The following ADGRB3 variants were observed in gnomAD, a reference collection of about 807,000 sequenced individuals.
ADGRB3 encodes the protein brain-specific angiogenesis inhibitor 3.
In ADGRB3, 37 loss-of-function variants were observed where a neutral mutation model predicts 193.4. The observed-to-expected ratio is 0.19, with a 90% confidence interval of 0.15 to 0.25. The LOEUF is 0.25. ADGRB3 is among the 10% of genes least tolerant of loss of function. The probability of loss-of-function intolerance (pLI) is 1.00; values close to 1 mark genes in which losing one functional copy is unlikely to be tolerated. For missense variants in ADGRB3, 1,637 were observed against 1,852.9 expected (o/e 0.88, Z 2.14); for synonymous variants, 690 against 644.2 (o/e 1.07, Z -1.08).
intron 17 of ADGRB3, among the ~76,000 whole-genome samples, chr6:69,175,953 T>G (rs1775408152): frequency 6.6e-6 from 1 of 152,208 alleles, no homozygotes; most frequent in South Asian, 2.1e-4. Flanking sequence ...AAGTTATTGG[T>G]GTATAGAAAT....
chr6:68,692,917 G>GAT (rs1159037252), intron 3 of ADGRB3, among the ~76,000 whole-genome samples: 12 of 151,214 alleles, frequency 7.9e-5, no homozygotes, highest in Admixed American at 2.7e-4. Flanking sequence ...ATACATGATA[G>GAT]ATATAGATAC....
At chr6:68,702,208 A>AAGAGAGAG (rs140234329) in intron 3 of ADGRB3, among the ~76,000 whole-genome samples, 65 of 149,152 alleles carry the variant, frequency 4.4e-4, no homozygotes, top group South Asian at 1.3e-3. Context: ...AGGAGCGAGA[A>AAGAGAGAG]AGAGAGAGAG....
At chr6:68,783,089 A>G (rs1055835778) in intron 3 of ADGRB3, among the ~76,000 whole-genome samples, 2 of 151,718 alleles carry the variant, frequency 1.3e-5, no homozygotes, top group Non-Finnish European at 2.9e-5. Flanking sequence ...ATATGGCAGG[A>G]ACTGTAATAC....
chr6:68,897,422 GAGAA>G (rs1766249825), intron 3 of ADGRB3, among the ~76,000 whole-genome samples: 1 of 113,928 alleles, frequency 8.8e-6, no homozygotes, highest in Non-Finnish European at 1.8e-5. Context: ...GGGAGGGAGG[GAGAA>G]AGGAAGGAAG....
intron 12 of ADGRB3, 122 bp downstream of exon 12, chr6:69,014,228 C>A: frequency 1.6e-6 from 1 of 623,230 alleles, no homozygotes; most frequent in Non-Finnish European, 2.7e-6. Context: ...TAGGTTATAT[C>A]CTAGTAATTT....
chr6:69,041,345 C>CAT (rs35882502), intron 13 of ADGRB3, among the ~76,000 whole-genome samples: 65,880 of 151,642 alleles, frequency 0.43, 15,048 homozygotes, highest in African/African-American at 0.5. Context: ...TTAAACTGAG[C>CAT]ATATATATAT....
intron 17 of ADGRB3, among the ~76,000 whole-genome samples, chr6:69,179,724 G>A (rs1775529888): frequency 6.6e-6 from 1 of 152,128 alleles, no homozygotes; most frequent in African/African-American, 2.4e-5. Flanking sequence ...AGAGAATGCT[G>A]GGTAAGGTTT....
chr6:68,739,734 C>T (rs1207399816), intron 3 of ADGRB3, among the ~76,000 whole-genome samples: 2 of 152,132 alleles, frequency 1.3e-5, no homozygotes, highest in Non-Finnish European at 2.9e-5. Context: ...AAGAAAATTA[C>T]TGTGGTACTA....
intron 8 of ADGRB3, among the ~76,000 whole-genome samples, chr6:68,971,955 G>C (rs192347471): frequency 6.6e-6 from 1 of 152,162 alleles, no homozygotes; most frequent in Non-Finnish European, 1.5e-5. Context: ...TCTGTGGCCC[G>C]CTGGTGGGAG....
intron 3 of ADGRB3, among the ~76,000 whole-genome samples, chr6:68,801,239 T>A (rs1767304750): frequency 6.6e-6 from 1 of 152,228 alleles, no homozygotes; most frequent in Admixed American, 6.5e-5. Flanking sequence ...AATGTTTCTC[T>A]TTCCTACTTA....
At chr6:69,220,880 C>T (rs994279792) in intron 17 of ADGRB3, among the ~76,000 whole-genome samples, 1 of 151,130 alleles carries the variant, frequency 6.6e-6, no homozygotes, top group African/African-American at 2.4e-5. Context: ...GCATTCTTCC[C>T]CTTTATCACT....
chr6:69,118,453 G>T (rs117973251), intron 17 of ADGRB3, among the ~76,000 whole-genome samples: 45,407 of 148,784 alleles, frequency 0.31, 9,162 homozygotes, highest in East Asian at 0.94. Context: ...CCAGAGTAAA[G>T]GCCCAGGTAC....
At chr6:68,703,603 AC>A (rs1333592319) in intron 3 of ADGRB3, among the ~76,000 whole-genome samples, 2 of 151,934 alleles carry the variant, frequency 1.3e-5, no homozygotes, top group South Asian at 2.1e-4. Context: ...AATAAAAAGA[AC>A]CCCATTCATT....
At chr6:68,730,250 G>A (rs2127331220) in intron 3 of ADGRB3, among the ~76,000 whole-genome samples, 1 of 151,624 alleles carries the variant, frequency 6.6e-6, no homozygotes, top group Non-Finnish European at 1.5e-5. Context: ...AGTACTTTCA[G>A]TTTTCTAGAA....
At chr6:68,780,515 C>T (rs1766832417) in intron 3 of ADGRB3, among the ~76,000 whole-genome samples, 1 of 152,058 alleles carries the variant, frequency 6.6e-6, no homozygotes, top group South Asian at 2.1e-4. Flanking sequence ...CAATCCAATG[C>T]ATACCGCTTG....
At position 68,696,603 on chromosome 6, in the gene ADGRB3, T is replaced by A. The variant is rs1037908331; in HGVS notation, c.757+57171T>A. 3.3e-5 allele frequency among the ~76,000 whole-genome samples: 5 copies of A among 151,960 alleles called. No individual in the cohort carries two copies. In the East Asian group the frequency reaches 7.7e-4, roughly 23 times the overall value. ...TTCTAGGACATTTACATTTATAATATAATAAGAATAATTTTTTTCACATTA... is the reference window on the plus strand; with the variant it reads ...TTCTAGGACATTTACATTTATAATAAAATAAGAATAATTTTTTTCACATTA... On this transcript the variant is annotated intron_variant, in intron 3 of 31. Transcript: ENST00000370598.
intron 3 of ADGRB3, among the ~76,000 whole-genome samples, chr6:68,695,386 T>G (rs1765140082): frequency 6.6e-6 from 1 of 152,070 alleles, no homozygotes; most frequent in Admixed American, 6.6e-5. Context: ...GAGTGTAATT[T>G]CTTCTTGCAC....
At chr6:69,035,534 G>C (rs1306683506) in intron 13 of ADGRB3, among the ~76,000 whole-genome samples, 1 of 152,070 alleles carries the variant, frequency 6.6e-6, no homozygotes, top group African/African-American at 2.4e-5. Context: ...CTAACATAGA[G>C]GAAGAAGTTA....
intron 26 of ADGRB3, among the ~76,000 whole-genome samples, chr6:69,352,824 A>G (rs1466118707): frequency 1.3e-5 from 2 of 152,250 alleles, no homozygotes; most frequent in Non-Finnish European, 2.9e-5. Context: ...AATATCTCAC[A>G]TCAAAATGGT....
Sources: allele counts gnomAD v4.1 joint callset (sites outside exome capture counted in the v4.1 genomes callset), GRCh38; gene constraint gnomAD v4.1.1; transcripts MANE v1.5; gene names NCBI Gene and HGNC (gene_info 2026-07-23, HGNC 2026-07-21).